The following ZNF44 variants were observed in gnomAD, a reference collection of about 807,000 sequenced individuals.
The protein encoded by ZNF44 is zinc finger protein 44.
A neutral mutation model predicts 11.7 loss-of-function variants in ZNF44; 9 were observed. The ratio of observed to expected loss-of-function variants is 0.77; its 90% CI spans 0.46 to 1.35. The LOEUF is 1.35. Ranked by LOEUF, ZNF44 falls within the 40% of genes most tolerant of loss-of-function variation. The probability of loss-of-function intolerance (pLI) is 0.00; values close to 1 mark genes in which losing one functional copy is unlikely to be tolerated. For synonymous variants in ZNF44, 224 were observed against 242.7 expected, an observed-to-expected ratio of 0.92 and a Z score of 0.72; for missense variants, 696 against 743.1, an observed-to-expected ratio of 0.94 and a Z score of 0.74.
chr19:12,282,418 CTTCT>C lies in ZNF44; in HGVS notation c.4-6340_4-6337del, dbSNP rs1265967960. 7.5e-5 allele frequency among the ~76,000 whole-genome samples: 9 copies of C among 119,226 alleles called. No individual in the cohort carries two copies. The South Asian group carries it at 1.5e-3, about 20-fold the overall frequency. The allele number at this position is 119,226 out of a possible 152,430, so 78.2% of individuals were successfully genotyped here. A position where few individuals can be genotyped will look rare whatever the true frequency, so the allele number is the denominator to read the frequency against. On this transcript the variant is annotated intron_variant, in intron 1 of 3. Coordinates refer to ENST00000355684, the MANE Select transcript of ZNF44 (RefSeq NM_016264.4). ...TCCAAATCAACCCACTTGGAGAAGTCTTCTTTTTTTTTTTTTTTTTTGAGACGGA... is the reference window on the plus strand; with the variant it reads ...TCCAAATCAACCCACTTGGAGAAGTCTTTTTTTTTTTTTTTTTGAGACGGA...
chr19:12,252,361 T>C (rs1360712478), intron 5 of ZNF44, among the ~76,000 whole-genome samples: 1 of 152,208 alleles, frequency 6.6e-6, no homozygotes, highest in Non-Finnish European at 1.5e-5. Flanking sequence ...CCGTAGTACT[T>C]TCTGAGACAA....
chr19:12,262,960 G>C (rs952910336), intron 5 of ZNF44, among the ~76,000 whole-genome samples: 1 of 152,216 alleles, frequency 6.6e-6, no homozygotes, highest in South Asian at 2.1e-4. Flanking sequence ...TCCACACACA[G>C]AAGGTCAAAC....
downstream of ZNF44, chr19:12,226,082 TTTCATTAAAAGACAA>T (rs1915906877): frequency 6.6e-6 from 1 of 152,198 alleles, no homozygotes; most frequent in Non-Finnish European, 1.5e-5. Context: ...AGTTTACCAT[TTTCATTAAAAGACAA>T]ATCATACCAG....
intron 1 of ZNF44, among the ~76,000 whole-genome samples, chr19:12,291,689 G>A (rs931480685): frequency 1.3e-5 from 2 of 151,360 alleles, no homozygotes; most frequent in Non-Finnish European, 2.9e-5. Context: ...GGGAGACCAT[G>A]TCTCAAAAAA....
exon 4 of ZNF44, chr19:12,226,361 TCTTTA>T (rs1317221272): frequency 6.6e-6 from 1 of 152,202 alleles, no homozygotes; most frequent in Non-Finnish European, 1.5e-5. Flanking sequence ...AAAGTGACAT[TCTTTA>T]CTTACCACAG....
At chr19:12,241,787 C>A (rs1390928231), upstream of ZNF44, among the ~76,000 whole-genome samples, 4 of 152,132 alleles carry the variant, frequency 2.6e-5, no homozygotes, top group Admixed American at 1.3e-4. Context: ...GTGGAAACAA[C>A]CCAAGTGCTC....
At position 12,260,433 on chromosome 19, in the gene ZNF44, C is replaced by T. The variant is rs1013697986; in HGVS notation, c.1913-10065G>A. On this transcript the variant is annotated intron_variant and NMD_transcript_variant, in intron 5 of 7. Coordinates refer to the ZNF44 transcript ENST00000393337. Reference sequence around the variant, plus strand: ...CATGATCCTCAAGAACAAGTACCGCCCCGACCTGCGCATGGCAGCCATCCG... The same window carrying T: ...CATGATCCTCAAGAACAAGTACCGCTCCGACCTGCGCATGGCAGCCATCCG... 2.8e-6 allele frequency: 4 copies of T among 1,438,834 alleles called. No homozygotes were observed. The African/African-American group carries it at 5.6e-5, about 20-fold the overall frequency. The allele number at this position is 1,438,834 out of a possible 1,614,324, so 89.1% of individuals were successfully genotyped here.
At chr19:12,240,873 G>T (rs529026447), upstream of ZNF44, among the ~76,000 whole-genome samples, 30 of 152,218 alleles carry the variant, frequency 2.0e-4, no homozygotes, top group South Asian at 3.5e-3. Flanking sequence ...CATGACATTG[G>T]ATTTAACAAT....
intron 3 of ZNF44, among the ~76,000 whole-genome samples, chr19:12,227,486 A>G (rs1915968234): frequency 6.6e-6 from 1 of 152,140 alleles, no homozygotes; most frequent in African/African-American, 2.4e-5. Flanking sequence ...CCTGTATGTA[A>G]TCCCAGCTAC....
chr19:12,275,845 G>A, intron 2 of ZNF44, 111 bp downstream of exon 2: 1 of 1,356,046 alleles, frequency 7.4e-7, no homozygotes, highest in Non-Finnish European at 9.9e-7. Flanking sequence ...ACCCTGTGTT[G>A]TTCAGGAATG....
upstream of ZNF44, among the ~76,000 whole-genome samples, chr19:12,239,149 G>A (rs1304253795): frequency 6.6e-6 from 1 of 152,054 alleles, no homozygotes; most frequent in Non-Finnish European, 1.5e-5. Flanking sequence ...GTCTAGCTCT[G>A]TTGCCCAGGC....
rs1342899321 is a variant in ZNF44, at chr19:12,272,891, T to A, written c.1364A>T (p.Lys455Ile). The change falls in exon 4 of 4, where the codon AAA (lysine) becomes ATA (isoleucine). Residue 455 changes from lysine (K) to isoleucine (I), a missense_variant. Coordinates refer to ENST00000355684, the MANE Select transcript of ZNF44 (RefSeq NM_016264.4). ...GEQPYKCKCG[K>I]AFSDLFSFQS... ...AAAGGAAAATAAATCACTAAAAGCT[T>A]TTCCACATTTACATTTATAGGGTTG... The A allele has an allele frequency of 1.9e-6, 3 of 1,614,008 alleles. No individual in the cohort carries two copies. The highest frequency in any genetic ancestry group is 2.5e-6 in the Non-Finnish European group (3 of 1,180,032).
chr19:12,294,616 T>A, intron 1 of ZNF44, 76 bp downstream of exon 1: 1 of 1,527,552 alleles, frequency 6.5e-7, no homozygotes, highest in Non-Finnish European at 8.8e-7. Flanking sequence ...GAGGCCCGGG[T>A]CCCGCCACAG....
intron 3 of ZNF44, among the ~76,000 whole-genome samples, chr19:12,229,097 TTA>T: frequency 6.6e-6 from 1 of 152,346 alleles, no homozygotes; most frequent in South Asian, 2.1e-4. Flanking sequence ...ATTTAAGCAC[TTA>T]TTTTTTTTGC....
intron 1 of ZNF44, among the ~76,000 whole-genome samples, chr19:12,285,625 C>T (rs914595543): frequency 6.6e-6 from 1 of 152,160 alleles, no homozygotes; most frequent in African/African-American, 2.4e-5. Flanking sequence ...AATCTATAAC[C>T]CAGCAATGTT....
intron 5 of ZNF44, among the ~76,000 whole-genome samples, chr19:12,255,638 T>C (rs1217069809): frequency 1.3e-5 from 2 of 152,164 alleles, no homozygotes; most frequent in Admixed American, 6.6e-5. Flanking sequence ...TCACACAGCA[T>C]TTCTATTCAA....
Position 12,273,114 on chromosome 19 carries a change from G to C in ZNF44, c.1141C>G (p.Arg381Gly). ...GKLLSHRSSFRRHMMAHTGDG... is the reference protein window; with the variant it reads ...GKLLSHRSSFGRHMMAHTGDG... ...CCAGTGTGTGCCATCATGTGTCTTC[G>C]AAAGCTTGAGCGATGAGATAACAAT... is the stretch of plus-strand genomic sequence containing the variant. The change falls in exon 4 of 4, where the codon CGA becomes GGA. Residue 381 changes from arginine to glycine, a missense_variant. Physicochemically the swap from Arg to Gly is moderately radical, Grantham distance 125. Transcript: ENST00000355684. 1 of 1,613,878 alleles carries C rather than the reference G, an allele frequency of 6.2e-7. No homozygotes were observed. The highest frequency in any genetic ancestry group is 1.1e-5 in the South Asian group (1 of 91,076).
At chr19:12,229,006 A>ACTGTACCAGTAAGTTTT (rs1470961760) in intron 3 of ZNF44, among the ~76,000 whole-genome samples, 1 of 152,236 alleles carries the variant, frequency 6.6e-6, no homozygotes, top group African/African-American at 2.4e-5. Context: ...TTCTAACTTT[A>ACTGTACCAGTAAGTTTT]CTGTACCAGT....
At chr19:12,287,259 T>C (rs1967800472) in intron 1 of ZNF44, among the ~76,000 whole-genome samples, 1 of 152,002 alleles carries the variant, frequency 6.6e-6, no homozygotes. Context: ...TCTTTTTTTT[T>C]CCTTGAGACG....
Sources: gnomAD v4.1 joint callset for allele counts (sites outside exome capture counted in the v4.1 genomes callset) on GRCh38, gnomAD v4.1.1 for gene constraint, MANE v1.5 for transcripts, NCBI Gene and HGNC (gene_info 2026-07-23, HGNC 2026-07-21) for gene names.